The following ZFC3H1 variants were observed in gnomAD, a reference collection of about 807,000 sequenced individuals.
The protein encoded by ZFC3H1 is zinc finger C3H1-type containing.
A neutral mutation model predicts 243.7 loss-of-function variants in ZFC3H1; 71 were observed. The observed-to-expected ratio is 0.29, with a 90% CI of 0.24 to 0.36. The LOEUF (loss-of-function observed/expected upper bound fraction) is 0.36. Among genes scored for constraint, ZFC3H1 ranks in the 10% least tolerant of loss-of-function variants. ZFC3H1 has a pLI of 1.00. For synonymous variants in ZFC3H1, 838 were observed against 813.0 expected (o/e 1.03, Z -0.52); for missense variants, 1,966 against 2,317.1 (o/e 0.85, Z 3.11).
At chr12:71,611,593 A>G in intron 32 of ZFC3H1, 193 bp downstream of exon 32, 3 of 166,572 alleles carry the variant, frequency 1.8e-5, no homozygotes, top group East Asian at 1.5e-4. Flanking sequence ...TTCAATGAGT[A>G]CTCACTCTCA....
At chr12:71,646,831 T>C (rs1880741771) in intron 3 of ZFC3H1, among the ~76,000 whole-genome samples, 1 of 152,216 alleles carries the variant, frequency 6.6e-6, no homozygotes. Context: ...ATATGCTACG[T>C]GAGGTAGCTA....
At chr12:71,620,550 G>A (rs78840329) in intron 24 of ZFC3H1, among the ~76,000 whole-genome samples, 131 of 152,052 alleles carry the variant, frequency 8.6e-4, no homozygotes, top group African/African-American at 3.1e-3. Context: ...TAAGAATAAA[G>A]CCATCCCATA....
rs537244908 is a variant in ZFC3H1 at position 71,632,520 on chromosome 12, G to C, written c.2818-6C>G. On this transcript the variant is annotated splice_polypyrimidine_tract_variant and splice_region_variant and intron_variant, in intron 14 of 34. Transcript: ENST00000378743. The stretch of plus-strand genomic sequence containing the variant: ...AGTCTCATCATTTTGTTTGGCTAAG[G>C]GAGAAAAATGATACACGTATTTTAC... 6.5e-7 allele frequency: 1 copy of C among 1,538,402 alleles called. No individual in the cohort carries two copies. The highest frequency in any genetic ancestry group is 1.3e-5 in the South Asian group (1 of 79,794).
chr12:71,618,918 G>C (rs978526515), intron 27 of ZFC3H1, among the ~76,000 whole-genome samples: 1 of 152,006 alleles, frequency 6.6e-6, no homozygotes, highest in Admixed American at 6.6e-5. Context: ...ATTAAAAAAA[G>C]AAAAAGGCGT....
intron 12 of ZFC3H1, 85 bp downstream of exon 12, chr12:71,634,070 T>C: frequency 3.0e-6 from 4 of 1,334,898 alleles, no homozygotes; most frequent in Non-Finnish European, 4.1e-6. Flanking sequence ...TATAATCTTA[T>C]AGTACGCTTA....
At chr12:71,610,892 A>T in intron 33 of ZFC3H1, 135 bp from the exon 34 acceptor site, 1 of 1,409,654 alleles carries the variant, frequency 7.1e-7, no homozygotes, top group Non-Finnish European at 9.7e-7. Context: ...GGAGTTTCCG[A>T]ATATTTGGTA....
intron 1 of ZFC3H1, among the ~76,000 whole-genome samples, chr12:71,659,684 T>C (rs1265852985): frequency 6.6e-6 from 1 of 152,206 alleles, no homozygotes; most frequent in Non-Finnish European, 1.5e-5. Flanking sequence ...ACTAATCTCC[T>C]TCAAGGCTAA....
Position 71,632,886 on chromosome 12 carries a change from C to A in ZFC3H1, c.2817G>T (p.Gly939=). 6.2e-7 allele frequency: 1 copy of A among 1,611,620 alleles called. No homozygotes were observed. Among genetic ancestry groups the A allele is most frequent in the Non-Finnish European group, 8.5e-7 (1 of 1,179,372 alleles). ...TAAAATATTTCTATAAAACCCTCAC[C>A]CCAAAGCGATCTTGTTCCAGTTTAC... ...GKRKLEQDRF[G]PNKMMRLDSS... Residue 939 remains glycine, a splice_region_variant and synonymous_variant, in exon 14 of 35, where the codon GGG becomes GGT. Coordinates refer to ENST00000378743, the MANE Select transcript of ZFC3H1 (RefSeq NM_144982.5).
In ZFC3H1 at chr12:71,663,642, C is replaced by T. The variant is rs141414059; in HGVS notation, c.-32G>A. 7.4e-5 allele frequency: 117 copies of T among 1,586,442 alleles called. No individual in the cohort carries two copies. In the East Asian group the frequency reaches 2.1e-3, roughly 29 times the overall value. ...AGCAGCGCCTTCCACACAACCTTAG[C>T]CCTCCGTCCGGGGATCCGCCCGACA... On this transcript the variant is annotated 5_prime_UTR_variant, in exon 1 of 35. Coordinates refer to ENST00000378743, the MANE Select transcript of ZFC3H1 (RefSeq NM_144982.5).
At chr12:71,619,812 A>T in intron 26 of ZFC3H1, 114 bp downstream of exon 26, 1 of 912,074 alleles carries the variant, frequency 1.1e-6, no homozygotes, top group South Asian at 1.8e-5. Context: ...GAGAGAAGGA[A>T]CACCTAACAC....
chr12:71,615,297 C>G lies in ZFC3H1; in HGVS notation c.5164G>C (p.Gly1722Arg), dbSNP rs752914672. The G allele has an allele frequency of 1.9e-6, 3 of 1,611,124 alleles. No individual in the cohort carries two copies. The South Asian group carries it at 3.3e-5, about 18-fold the overall frequency. ...AAACGAGATGGAATGTCAATTGGTC[C>G]TGGAATATTTAAGAGATACCTGAAA... ...DLFRYLLNIP[G>R]PIDIPSRLCK... is the part of the protein sequence containing the mutation. Residue 1722 changes from glycine (G) to arginine (R), a missense_variant, in exon 28 of 35, where the codon GGA (glycine) becomes CGA (arginine). This residue lies in a region of ZFC3H1 where 1,383 missense variants were observed against 1,723.7 expected (regional missense o/e 0.80). Coordinates refer to ENST00000378743, the MANE Select transcript of ZFC3H1 (RefSeq NM_144982.5).
chr12:71,641,470 T>A (rs1022195427), intron 6 of ZFC3H1, among the ~76,000 whole-genome samples: 1 of 152,248 alleles, frequency 6.6e-6, no homozygotes, highest in Admixed American at 6.5e-5. Context: ...ATTCTCCAGT[T>A]CCTGGAATGC....
chr12:71,629,156 TA>T (rs1480204686), intron 19 of ZFC3H1, 119 bp from the exon 20 acceptor site: 5 of 919,150 alleles, frequency 5.4e-6, no homozygotes, highest in East Asian at 3.1e-5. Context: ...AAATGATACG[TA>T]TTTTTTTTTT....
chr12:71,642,622 G>T, intron 5 of ZFC3H1, 63 bp from the exon 6 acceptor site: 1 of 1,530,048 alleles, frequency 6.5e-7, no homozygotes, highest in African/African-American at 1.4e-5. Flanking sequence ...AATCACAAAA[G>T]AACTGATAGT....
Position 71,640,162 on chromosome 12 carries a change from C to T in ZFC3H1, c.1628-1647G>A, listed in dbSNP as rs994490629. Among the ~76,000 whole-genome samples the T allele has an allele frequency of 3.3e-5, 5 of 152,304 alleles. No individual in the cohort carries two copies. The South Asian group carries it at 8.3e-4, about 25-fold the overall frequency. ...TCAGGCTCCTGAGTAGCTGGGACTG[C>T]AGGGGTGAGCCACCACTACTGGCTA... On this transcript the variant is annotated intron_variant, in intron 6 of 34. Coordinates refer to ENST00000378743, the MANE Select transcript of ZFC3H1 (RefSeq NM_144982.5).
At position 71,642,543 on chromosome 12, in the gene ZFC3H1, A is replaced by G; in HGVS notation, c.1520T>C (p.Leu507Pro). The change falls in exon 6 of 35, where the codon CTG becomes CCG. Residue 507 changes from leucine (L) to proline (P), a missense_variant. Leu to Pro is a moderately conservative substitution (Grantham distance 98). This residue lies in a region of ZFC3H1 where 1,383 missense variants were observed against 1,723.7 expected (regional missense o/e 0.80). Coordinates refer to ENST00000378743, the MANE Select transcript of ZFC3H1 (RefSeq NM_144982.5). ...AGGTTGCTTATCTAAGGATCGCCTCAGGTCAGGATCTGAAGACTAAGTATA... is the reference window on the plus strand; with the variant it reads ...AGGTTGCTTATCTAAGGATCGCCTCGGGTCAGGATCTGAAGACTAAGTATA... ...RSRSKSSDPD[L>P]RRSLDKQPTD... is the part of the protein sequence containing the mutation. 1 of 1,612,060 alleles carries G rather than the reference A, an allele frequency of 6.2e-7. No homozygotes were observed. The highest frequency in any genetic ancestry group is 2.2e-5 in the East Asian group (1 of 44,800).
rs769742406 is a variant in ZFC3H1 at position 71,630,838 on chromosome 12, T to C, written c.3587A>G (p.Asp1196Gly). The change falls in exon 17 of 35, where the codon GAT becomes GGT. Residue 1196 changes from aspartate to glycine, a missense_variant. Physicochemically the swap from Asp to Gly is moderately conservative, Grantham distance 94. Transcript: ENST00000378743. ...CRFDLTGTCN[D>G]DDCQWQHIQD... ...AACTACTCACCATTGACAATCATCATCATTACATGTTCCTGTTAAATCAAA... is the reference window on the plus strand; with the variant it reads ...AACTACTCACCATTGACAATCATCACCATTACATGTTCCTGTTAAATCAAA... The C allele has an allele frequency of 1.9e-6, 3 of 1,613,100 alleles. No individual in the cohort carries two copies. The highest frequency in any genetic ancestry group is 1.7e-5 in the Admixed American group (1 of 59,966).
chr12:71,610,274 G>A lies in ZFC3H1; in HGVS notation c.*154C>T. On this transcript the variant is annotated 3_prime_UTR_variant, in exon 35 of 35. Coordinates refer to ENST00000378743, the MANE Select transcript of ZFC3H1 (RefSeq NM_144982.5). ...AAGAGGATCATGTTCATTGCTTCCGGTTTTGAGGACAGGATATTGTAGGGA... is the reference window on the plus strand; with the variant it reads ...AAGAGGATCATGTTCATTGCTTCCGATTTTGAGGACAGGATATTGTAGGGA... The A allele has an allele frequency of 1.1e-6, 1 of 910,192 alleles. No individual in the cohort carries two copies. The highest frequency in any genetic ancestry group is 1.6e-6 in the Non-Finnish European group (1 of 616,790). The allele number at this position is 910,192 out of a possible 1,614,324, so 56.4% of individuals were successfully genotyped here.
At chr12:71,627,256 A>T (rs1264691866) in intron 21 of ZFC3H1, among the ~76,000 whole-genome samples, 1 of 152,182 alleles carries the variant, frequency 6.6e-6, no homozygotes, top group African/African-American at 2.4e-5. Context: ...TGTATAAGTT[A>T]TTACCATTTA....
Sources: allele counts gnomAD v4.1 joint callset (sites outside exome capture counted in the v4.1 genomes callset), GRCh38; gene constraint gnomAD v4.1.1; regional missense constraint gnomAD v4.1.1; transcripts MANE v1.5; gene names NCBI Gene and HGNC (gene_info 2026-07-23, HGNC 2026-07-21).